Variants in SDK2 observed in about 807,000 individuals in gnomAD.
SDK2 encodes protein sidekick-2.
SDK2 carries 105 observed loss-of-function variants against 253.9 expected under a neutral mutation model. The ratio of observed to expected loss-of-function variants is 0.41; its 90% CI spans 0.35 to 0.49. The LOEUF (loss-of-function observed/expected upper bound fraction) is 0.49, where lower values mean the gene tolerates loss of function less well. Among genes scored for constraint, SDK2 ranks in the 20% least tolerant of loss-of-function variants. The probability of loss-of-function intolerance (pLI) is 0.06; values close to 1 mark genes in which losing one functional copy is unlikely to be tolerated. For missense variants in SDK2, 2,608 were observed against 3,003.0 expected (o/e 0.87, Z 3.07); for synonymous variants, 1,249 against 1,234.9 (o/e 1.01, Z -0.24).
chr17:73,620,219 T>C (rs1198866251), intron 1 of SDK2, among the ~76,000 whole-genome samples: 6 of 144,762 alleles, frequency 4.1e-5, no homozygotes, highest in Admixed American at 6.9e-5. Flanking sequence ...AAAAAGACAA[T>C]GGACTTGAAC....
chr17:73,551,946 G>C lies in SDK2; in HGVS notation c.65-44349C>G, dbSNP rs376148436. On this transcript the variant is annotated intron_variant, in intron 1 of 44. Transcript: ENST00000392650. ...CAGAGAGGAGAGGGCACTAGATTCA[G>C]GGGGCTGTGATTGGCTGCCACCAGA... Among the ~76,000 whole-genome samples, 504 of 152,330 alleles carry C rather than the reference G, an allele frequency of 3.3e-3. 3 individuals carry two copies. The highest frequency in any genetic ancestry group is 0.012 in the African/African-American group (487 of 41,580).
At chr17:73,620,273 T>G (rs1056012063) in intron 1 of SDK2, among the ~76,000 whole-genome samples, 1 of 150,124 alleles carries the variant, frequency 6.7e-6, no homozygotes, top group African/African-American at 2.5e-5. Flanking sequence ...AACAAGCACA[T>G]GAAAAGATGG....
intron 12 of SDK2, among the ~76,000 whole-genome samples, chr17:73,425,028 T>A (rs776841032): frequency 6.6e-6 from 1 of 152,204 alleles, no homozygotes; most frequent in Non-Finnish European, 1.5e-5. Flanking sequence ...GAGACCAGTC[T>A]GGCCAACATG....
chr17:73,359,598 C>A (rs545718164), intron 39 of SDK2, among the ~76,000 whole-genome samples: 2 of 152,276 alleles, frequency 1.3e-5, no homozygotes, highest in East Asian at 3.9e-4. Flanking sequence ...GCTGCATGTT[C>A]CCCGCCTGCA....
intron 3 of SDK2, among the ~76,000 whole-genome samples, chr17:73,456,614 G>A (rs1449008244): frequency 6.6e-6 from 1 of 152,134 alleles, no homozygotes; most frequent in Non-Finnish European, 1.5e-5. Flanking sequence ...TCTCTCCTGC[G>A]CCTTGGGTGT....
At chr17:73,531,253 G>C (rs1030158785) in intron 1 of SDK2, among the ~76,000 whole-genome samples, 4 of 152,172 alleles carry the variant, frequency 2.6e-5, no homozygotes, top group African/African-American at 9.7e-5. Flanking sequence ...ATGCTCAAAA[G>C]TTTAAAATAT....
intron 40 of SDK2, chr17:73,357,366 T>C (rs73343870): frequency 0.06 from 9,221 of 153,240 alleles, 318 homozygotes; most frequent in South Asian, 0.14. Flanking sequence ...AGCAACAAAA[T>C]CTTGTTTTCC....
At chr17:73,433,329 C>T (rs886944640) in intron 10 of SDK2, among the ~76,000 whole-genome samples, 2 of 151,900 alleles carry the variant, frequency 1.3e-5, no homozygotes, top group African/African-American at 2.4e-5. Flanking sequence ...GTCTCCCAGG[C>T]TGGAGTGCAG....
At chr17:73,475,162 A>AT (rs35380886) in intron 2 of SDK2, among the ~76,000 whole-genome samples, 1 of 151,656 alleles carries the variant, frequency 6.6e-6, no homozygotes, top group Non-Finnish European at 1.5e-5. Context: ...ATTTATTTTT[A>AT]TTTTTTTGAG....
intron 2 of SDK2, among the ~76,000 whole-genome samples, chr17:73,500,677 TCCTC>T: frequency 7.2e-6 from 1 of 138,242 alleles, no homozygotes; most frequent in Non-Finnish European, 1.6e-5. Context: ...CCTCCATCCA[TCCTC>T]CCTCCATTCT....
chr17:73,632,969 T>G (rs1188310661), intron 1 of SDK2, among the ~76,000 whole-genome samples: 1 of 152,146 alleles, frequency 6.6e-6, no homozygotes, highest in African/African-American at 2.4e-5. Context: ...TGGAGTAGAA[T>G]GCACATATTC....
intron 2 of SDK2, among the ~76,000 whole-genome samples, chr17:73,497,859 C>A (rs1449667923): frequency 6.6e-6 from 1 of 152,188 alleles, no homozygotes; most frequent in Non-Finnish European, 1.5e-5. Context: ...GAGCTAAACG[C>A]CCCTACTTGA....
Position 73,422,142 on chromosome 17 carries a change from A to T in SDK2, c.2045+145T>A, listed in dbSNP as rs2063236864. On this transcript the variant is annotated intron_variant, in intron 15 of 44. Transcript: ENST00000392650. ...TTTGCAACATCCTGGTGAGGCACTC[A>T]TCAGGATTGCTCTCCCCTTCTACAG... The T allele has an allele frequency of 3.5e-6, 3 of 864,912 alleles. No homozygotes were observed. In the South Asian group the frequency reaches 5.0e-5, roughly 14 times the overall value. 53.6% of individuals were successfully genotyped at this position (864,912 alleles called of 1,614,324 possible). A position where few individuals can be genotyped will look rare whatever the true frequency, so the allele number is the denominator to read the frequency against.
At chr17:73,564,177 G>A (rs757808293) in intron 1 of SDK2, among the ~76,000 whole-genome samples, 2 of 151,990 alleles carry the variant, frequency 1.3e-5, no homozygotes, top group Non-Finnish European at 2.9e-5. Flanking sequence ...TGTTCGATAC[G>A]GTAACCAATA....
chr17:73,400,098 G>T (rs1481205086), intron 21 of SDK2, among the ~76,000 whole-genome samples: 1 of 152,226 alleles, frequency 6.6e-6, no homozygotes, highest in Admixed American at 6.5e-5. Flanking sequence ...TACGCAGCAG[G>T]TGGAGGGATG....
intron 3 of SDK2, among the ~76,000 whole-genome samples, chr17:73,468,305 G>A (rs1237912822): frequency 6.6e-6 from 1 of 152,182 alleles, no homozygotes; most frequent in East Asian, 1.9e-4. Context: ...GCACTGTTTG[G>A]GAGCTGGCTA....
At position 73,593,749 on chromosome 17, in the gene SDK2, A is replaced by C. The variant is rs2045716554; in HGVS notation, c.64+50276T>G. On this transcript the variant is annotated intron_variant, in intron 1 of 44. Coordinates refer to ENST00000392650, the MANE Select transcript of SDK2 (RefSeq NM_001144952.2). ...AAGGCTTCCAGGAGACACCAGCTGA[A>C]AGTGGCTATTAAATAACACAGGGGC... is the stretch of plus-strand genomic sequence containing the variant. 1.3e-5 allele frequency among the ~76,000 whole-genome samples: 2 copies of C among 152,228 alleles called. 1 individual carries two copies. Among genetic ancestry groups the C allele is most frequent in the Non-Finnish European group, 2.9e-5 (2 of 68,042 alleles).
intron 18 of SDK2, among the ~76,000 whole-genome samples, chr17:73,406,288 G>A (rs1386982010): frequency 6.8e-6 from 1 of 146,902 alleles, no homozygotes; most frequent in Non-Finnish European, 1.5e-5. Context: ...CTGTTGCCTA[G>A]GCTAGGGTGC....
rs770719261 is a variant in SDK2 at position 73,352,666 on chromosome 17, G to A, written c.5594-29C>T. On this transcript the variant is annotated intron_variant, in intron 40 of 44. Coordinates refer to ENST00000392650, the MANE Select transcript of SDK2 (RefSeq NM_001144952.2). The surrounding 1 kb of genome is among the most constrained non-coding windows in gnomAD (Gnocchi z 4.1). The stretch of plus-strand genomic sequence containing the variant: ...CAGGAGCACAGAGATGGAGGCCCTG[G>A]GAGGTGAGGGGAAGCCCCAAATCCC... The A allele has an allele frequency of 5.0e-6, 8 of 1,609,940 alleles. No homozygotes were observed. Among genetic ancestry groups the A allele is most frequent in the Non-Finnish European group, 6.8e-6 (8 of 1,176,698 alleles).
Sources: gnomAD v4.1 joint callset for allele counts (sites outside exome capture counted in the v4.1 genomes callset) on GRCh38, gnomAD v4.1.1 for gene constraint, Gnocchi (gnomAD v3.1) non-coding constraint, MANE v1.5 for transcripts, NCBI Gene and HGNC (gene_info 2026-07-23, HGNC 2026-07-21) for gene names.